ADAMTS12: variants seen among roughly 807,000 people sequenced by gnomAD.
ADAMTS12 encodes the protein A disintegrin and metalloproteinase with thrombospondin motifs 12.
In ADAMTS12, 118 loss-of-function variants were observed where a neutral mutation model predicts 167.8. The observed-to-expected ratio is 0.70, with a 90% CI of 0.61 to 0.82. The LOEUF (loss-of-function observed/expected upper bound fraction) is 0.82, where lower values mean the gene tolerates loss of function less well. Ranked by LOEUF, ADAMTS12 falls within the 40% of genes least tolerant of loss-of-function variation. The pLI is 0.00. For missense variants in ADAMTS12, 1,916 were observed against 1,998.8 expected (o/e 0.96, Z 0.79); for synonymous variants, 704 against 716.9 (o/e 0.98, Z 0.29).
At chr5:33,637,547 G>A (rs1489231692) in intron 12 of ADAMTS12, 30 bp downstream of exon 12, 1 of 1,596,334 alleles carries the variant, frequency 6.3e-7, no homozygotes, top group African/African-American at 1.3e-5. Flanking sequence ...CTGTTCCCTA[G>A]ATCTGAGATA....
intron 2 of ADAMTS12, among the ~76,000 whole-genome samples, chr5:33,833,621 A>C (rs1748391061): frequency 6.6e-6 from 1 of 152,236 alleles, no homozygotes; most frequent in African/African-American, 2.4e-5. Context: ...CTTACAATGG[A>C]GAGTAGATTC....
chr5:33,763,947 C>T (rs543273436), intron 2 of ADAMTS12, among the ~76,000 whole-genome samples: 1 of 152,200 alleles, frequency 6.6e-6, no homozygotes, highest in East Asian at 1.9e-4. Flanking sequence ...CATAGGGAAA[C>T]AGGGAATGCA....
At chr5:33,777,219 G>C (rs183758638) in intron 2 of ADAMTS12, among the ~76,000 whole-genome samples, 76 of 152,022 alleles carry the variant, frequency 5.0e-4, no homozygotes, top group Middle Eastern at 3.4e-3. Context: ...AAGGACACTA[G>C]AAGAAAAGAA....
chr5:33,641,399 G>A (rs1242456773), intron 11 of ADAMTS12, among the ~76,000 whole-genome samples: 1 of 152,168 alleles, frequency 6.6e-6, no homozygotes, highest in African/African-American at 2.4e-5. Flanking sequence ...ATAAAATTGT[G>A]TATTCATTAT....
intron 11 of ADAMTS12, among the ~76,000 whole-genome samples, chr5:33,641,286 C>T (rs528019538): frequency 5.9e-5 from 9 of 152,056 alleles, no homozygotes; most frequent in Non-Finnish European, 1.0e-4. Context: ...CAGGCCACTG[C>T]GGAACTTTAG....
Position 33,765,323 on chromosome 5 carries a change from T to C in ADAMTS12, c.490-13775A>G, listed in dbSNP as rs769308636. Reference sequence around the variant, plus strand: ...AGTTCTGTTACTTCACCTGAGAGAATTAGTAAATATGCCACAATTAAAATA... The same window carrying C: ...AGTTCTGTTACTTCACCTGAGAGAACTAGTAAATATGCCACAATTAAAATA... On this transcript the variant is annotated intron_variant, in intron 2 of 23. Transcript: ENST00000504830. Among the ~76,000 whole-genome samples the C allele has an allele frequency of 9.9e-5, 15 of 152,190 alleles. 1 individual carries two copies. The highest frequency in any genetic ancestry group is 1.9e-4 in the Non-Finnish European group (13 of 68,036).
chr5:33,717,955 A>G (rs1260094448), intron 3 of ADAMTS12, among the ~76,000 whole-genome samples: 1 of 152,218 alleles, frequency 6.6e-6, no homozygotes, highest in Non-Finnish European at 1.5e-5. Context: ...TTATCTCCAC[A>G]ACAAACTTCT....
intron 2 of ADAMTS12, among the ~76,000 whole-genome samples, chr5:33,861,919 C>T (rs1410661953): frequency 6.6e-6 from 1 of 152,046 alleles, no homozygotes; most frequent in African/African-American, 2.4e-5. Flanking sequence ...AACTTGCTCC[C>T]AAATGACTAA....
intron 3 of ADAMTS12, among the ~76,000 whole-genome samples, chr5:33,734,360 A>T (rs749909173): frequency 6.6e-6 from 1 of 152,162 alleles, no homozygotes; most frequent in Non-Finnish European, 1.5e-5. Context: ...GCACCAGAAG[A>T]AAAAAACGTG....
chr5:33,618,241 TTG>T (rs1739124464), intron 14 of ADAMTS12, among the ~76,000 whole-genome samples: 1 of 152,194 alleles, frequency 6.6e-6, no homozygotes, highest in Non-Finnish European at 1.5e-5. Flanking sequence ...ACCTTCATCC[TTG>T]TTGTCTTCAT....
intron 23 of ADAMTS12, among the ~76,000 whole-genome samples, chr5:33,533,319 T>C (rs1744208684): frequency 6.6e-6 from 1 of 152,164 alleles, no homozygotes; most frequent in East Asian, 1.9e-4. Flanking sequence ...GCCTCAACTA[T>C]TTAAAGTATG....
At chr5:33,672,036 C>A (rs1386511962) in intron 5 of ADAMTS12, among the ~76,000 whole-genome samples, 1 of 150,220 alleles carries the variant, frequency 6.7e-6, no homozygotes, top group Non-Finnish European at 1.5e-5. Context: ...CATACACACA[C>A]CCACATACTC....
chr5:33,571,932 C>G (rs1442628622), intron 19 of ADAMTS12, among the ~76,000 whole-genome samples: 1 of 152,156 alleles, frequency 6.6e-6, no homozygotes, highest in Non-Finnish European at 1.5e-5. Context: ...ACTGATCCCA[C>G]AGAAATATAA....
chr5:33,562,634 ATTTTTT>A (rs201008805), intron 19 of ADAMTS12, among the ~76,000 whole-genome samples: 1 of 142,674 alleles, frequency 7.0e-6, no homozygotes, highest in Non-Finnish European at 1.5e-5. Context: ...TCTCCATATA[ATTTTTT>A]TTTTTTTTTG....
chr5:33,881,726 C>T (rs910424198), intron 1 of ADAMTS12, among the ~76,000 whole-genome samples: 3 of 139,782 alleles, frequency 2.1e-5, no homozygotes, highest in South Asian at 2.3e-4. Flanking sequence ...CAACACCTGG[C>T]TAATTTTGTT....
chr5:33,650,796 A>C (rs1358138282), intron 7 of ADAMTS12, among the ~76,000 whole-genome samples: 1 of 152,228 alleles, frequency 6.6e-6, no homozygotes. Context: ...AACTCTCTCC[A>C]CTGGGGTGGA....
chr5:33,787,881 C>CACAA (rs3037111), intron 2 of ADAMTS12, among the ~76,000 whole-genome samples: 8,762 of 152,238 alleles, frequency 0.058, 880 homozygotes, highest in African/African-American at 0.2. Context: ...GACTCTTCCA[C>CACAA]ACATTTACTG....
At chr5:33,542,684 A>G (rs750369887) in intron 22 of ADAMTS12, among the ~76,000 whole-genome samples, 3 of 152,254 alleles carry the variant, frequency 2.0e-5, no homozygotes, top group Non-Finnish European at 4.4e-5. Flanking sequence ...CAGTGCAATC[A>G]AATTAGAATT....
At chr5:33,862,066 G>GA (rs1444097324) in intron 2 of ADAMTS12, among the ~76,000 whole-genome samples, 1 of 152,088 alleles carries the variant, frequency 6.6e-6, no homozygotes, top group Non-Finnish European at 1.5e-5. Context: ...AATGTTCACA[G>GA]AAAAAAGAGG....
Sources: gnomAD v4.1 joint callset for allele counts (sites outside exome capture counted in the v4.1 genomes callset) on GRCh38, gnomAD v4.1.1 for gene constraint, MANE v1.5 for transcripts, NCBI Gene and HGNC (gene_info 2026-07-23, HGNC 2026-07-21) for gene names.